RUVBL1: variants seen among roughly 807,000 people sequenced by gnomAD.
RUVBL1 encodes RuvB like AAA ATPase 1.
In RUVBL1, 4 loss-of-function variants were observed where a neutral mutation model predicts 52.4. The ratio of observed to expected loss-of-function variants is 0.08; its 90% CI spans 0.04 to 0.17. The LOEUF (loss-of-function observed/expected upper bound fraction) is 0.17, where lower values mean the gene tolerates loss of function less well. Among genes scored for constraint, RUVBL1 ranks in the 10% least tolerant of loss-of-function variants. The pLI is 1.00. For synonymous variants in RUVBL1, 217 were observed against 214.4 expected (o/e 1.01, Z -0.10); for missense variants, 298 against 572.8 (o/e 0.52, Z 4.90).
intron 8 of RUVBL1, among the ~76,000 whole-genome samples, chr3:128,095,246 G>C (rs914315481): frequency 6.6e-6 from 1 of 152,220 alleles, no homozygotes; most frequent in East Asian, 1.9e-4. Flanking sequence ...GAGATGCCAG[G>C]CTCTGCAGGT....
At chr3:128,074,614 A>C (rs1377793039) in intron 9 of RUVBL1, among the ~76,000 whole-genome samples, 2 of 152,138 alleles carry the variant, frequency 1.3e-5, no homozygotes, top group African/African-American at 4.8e-5. Flanking sequence ...AGGCCAAAGC[A>C]GGTGGATCAC....
intron 9 of RUVBL1, among the ~76,000 whole-genome samples, chr3:128,074,727 A>G (rs1287106634): frequency 6.6e-6 from 1 of 150,900 alleles, no homozygotes; most frequent in East Asian, 1.9e-4. Flanking sequence ...TTATAATCCC[A>G]GCTACTTGGG....
At chr3:128,124,633 C>T (rs1269942597), upstream of RUVBL1, among the ~76,000 whole-genome samples, 1 of 152,184 alleles carries the variant, frequency 6.6e-6, no homozygotes, top group Non-Finnish European at 1.5e-5. Flanking sequence ...TCAACAAACA[C>T]GAGCCAGACA....
chr3:128,136,602 G>A (rs1943950604), intron 1 of RUVBL1, among the ~76,000 whole-genome samples: 1 of 146,516 alleles, frequency 6.8e-6, no homozygotes, highest in Admixed American at 6.8e-5. Context: ...CTCCAGCCTG[G>A]GTGACAGAGT....
chr3:128,087,710 T>G lies in RUVBL1; in HGVS notation c.1115A>C (p.Lys372Thr). 1 of 1,612,126 alleles carries G rather than the reference T, an allele frequency of 6.2e-7. No homozygotes were observed. Among genetic ancestry groups the G allele is most frequent in the Non-Finnish European group, 8.5e-7 (1 of 1,178,620 alleles). ...GAGGGAAGAAGGGAGGCTCACCTGT[T>G]TCATTTCCTGTGGAGTATACAGCAT... ...RTMLYTPQEM[K>T]QIIKIRAQTE... is the part of the protein sequence containing the mutation. Residue 372 changes from lysine (K) to threonine (T), a missense_variant, in exon 9 of 11, where the codon AAA (lysine) becomes ACA (threonine). Lys to Thr is a moderately conservative substitution (Grantham distance 78). Coordinates refer to ENST00000322623, the MANE Select transcript of RUVBL1 (RefSeq NM_003707.3).
In RUVBL1 at chr3:128,112,960, C is replaced by T; in HGVS notation, c.289G>A (p.Val97Met). 2 of 1,614,174 alleles carry T rather than the reference C, an allele frequency of 1.2e-6. No homozygotes were observed. Among genetic ancestry groups the T allele is most frequent in the East Asian group, 2.2e-5 (1 of 44,880 alleles). ...LGSKVPFCPM[V>M]GSEVYSTEIK... The stretch of plus-strand genomic sequence containing the variant: ...TCAGTTGAGTAAACTTCACTCCCCA[C>T]CATTGGGCAGAAGGGGACCTTACTA... Residue 97 changes from valine (V) to methionine (M), a missense_variant, in exon 3 of 11, where the codon GTG (valine) becomes ATG (methionine). Around this residue, in one of 5 missense-constraint regions of RUVBL1, gnomAD observed 71 missense variants for 125.7 expected, o/e 0.57. Transcript: ENST00000322623.
intron 9 of RUVBL1, chr3:128,071,241 A>G (rs1292774527): frequency 1.3e-5 from 2 of 152,938 alleles, no homozygotes; most frequent in African/African-American, 2.4e-5. Context: ...AGGCTCCTCC[A>G]TATGGCCCAG....
chr3:128,100,501 A>G (rs988835081), intron 6 of RUVBL1, 94 bp downstream of exon 6: 1 of 1,457,130 alleles, frequency 6.9e-7, no homozygotes, highest in Non-Finnish European at 9.2e-7. Flanking sequence ...GTCTACCTCA[A>G]GAAAGGCAGC....
intron 9 of RUVBL1, chr3:128,066,873 C>A: frequency 7.2e-7 from 1 of 1,390,724 alleles, no homozygotes; most frequent in South Asian, 1.2e-5. Context: ...GCCCACTGGA[C>A]AGTCCCCGGC....
At chr3:128,124,797 C>T (rs1943756607), upstream of RUVBL1, among the ~76,000 whole-genome samples, 3 of 152,142 alleles carry the variant, frequency 2.0e-5, no homozygotes, top group Non-Finnish European at 2.9e-5. Context: ...CCAGGGAAGG[C>T]ATCATGAAGG....
Position 128,067,653 on chromosome 3 carries a change from T to G in RUVBL1, c.940-2433A>C, listed in dbSNP as rs1361527950. ...ACTTTCTGGAAGGGTGATGAAAGTGTGACTGGTATAAGGGGTGTGGACTTG... is the reference window on the plus strand; with the variant it reads ...ACTTTCTGGAAGGGTGATGAAAGTGGGACTGGTATAAGGGGTGTGGACTTG... On this transcript the variant is annotated intron_variant, in intron 9 of 9. Coordinates refer to the RUVBL1 transcript ENST00000464873. The surrounding 1 kb of genome is among the most constrained non-coding windows in gnomAD (Gnocchi z 4.1). The G allele has an allele frequency of 6.7e-7, 1 of 1,497,224 alleles. No homozygotes were observed. The highest frequency in any genetic ancestry group is 1.2e-5 in the South Asian group (1 of 83,970). The allele number at this position is 1,497,224 out of a possible 1,614,324, so 92.7% of individuals were successfully genotyped here.
At chr3:128,104,647 C>A (rs762361564) in intron 4 of RUVBL1, 126 bp downstream of exon 4, 2 of 754,848 alleles carry the variant, frequency 2.6e-6, no homozygotes, top group Non-Finnish European at 4.1e-6. Context: ...TCAACCAATT[C>A]TGTGAGAAAT....
chr3:128,108,967 T>A (rs942358261), intron 3 of RUVBL1, among the ~76,000 whole-genome samples: 1 of 152,154 alleles, frequency 6.6e-6, no homozygotes, highest in Admixed American at 6.5e-5. Flanking sequence ...AAGGAACACA[T>A]AAAGTATGAT....
chr3:128,106,868 C>G (rs771460114), intron 3 of RUVBL1, among the ~76,000 whole-genome samples: 1 of 152,114 alleles, frequency 6.6e-6, no homozygotes, highest in Non-Finnish European at 1.5e-5. Flanking sequence ...TCAAGACTAC[C>G]ATTAACTTGG....
rs773370364 is a variant in RUVBL1, at chr3:128,104,808, C to T, written c.478G>A (p.Gly160Arg). 6.2e-7 allele frequency: 1 copy of T among 1,612,894 alleles called. No individual in the cohort carries two copies. The highest frequency in any genetic ancestry group is 8.5e-7 in the Non-Finnish European group (1 of 1,178,942). The stretch of plus-strand genomic sequence containing the variant: ...TTGGTTCCTTTGGCTGTTTTGAGTC[C>T]TATGATCACATGGCTAATGGTTTTG... ...YGKTISHVII[G>R]LKTAKGTKQL... is the part of the protein sequence containing the mutation. The change falls in exon 4 of 11, where the codon GGA becomes AGA. Residue 160 changes from glycine (G) to arginine (R), a missense_variant. Physicochemically the swap from Gly to Arg is moderately radical, Grantham distance 125. This residue lies in a region of RUVBL1 where 58 missense variants were observed against 83.2 expected (regional missense o/e 0.70). Transcript: ENST00000322623.
rs1469263176 is a variant in RUVBL1, at chr3:128,064,811, A to G, written c.*401T>C. On this transcript the variant is annotated 3_prime_UTR_variant, in exon 10 of 10. Transcript: ENST00000464873. ...TTTTCCTCTTTTTATTTGTCTGCTA[A>G]GAAGGCTAGAAGCAAATTGAGTTGC... 1.8e-5 allele frequency: 26 copies of G among 1,410,788 alleles called. No homozygotes were observed. The East Asian group carries it at 5.3e-4, about 29-fold the overall frequency. The allele number at this position is 1,410,788 out of a possible 1,614,324, so 87.4% of individuals were successfully genotyped here. A position where few individuals can be genotyped will look rare whatever the true frequency, so the allele number is the denominator to read the frequency against.
Position 128,097,346 on chromosome 3 carries a change from C to A in RUVBL1, c.970G>T (p.Ala324Ser). The A allele has an allele frequency of 6.2e-7, 1 of 1,614,138 alleles. No individual in the cohort carries two copies. Among genetic ancestry groups the A allele is most frequent in the Non-Finnish European group, 8.5e-7 (1 of 1,180,026 alleles). ...YLHRALESSI[A>S]PIVIFASNRG... ...TTGGATGCAAAGATGACGATGGGAG[C>A]GATAGAAGACTCCAGGGCGCGGTGC... is the stretch of plus-strand genomic sequence containing the variant. Residue 324 changes from alanine (A) to serine (S), a missense_variant, in exon 8 of 11, where the codon GCT (alanine) becomes TCT (serine). This residue lies in a region of RUVBL1 where 161 missense variants were observed against 298.3 expected (regional missense o/e 0.54). Coordinates refer to ENST00000322623, the MANE Select transcript of RUVBL1 (RefSeq NM_003707.3).
intron 8 of RUVBL1, among the ~76,000 whole-genome samples, chr3:128,093,933 G>C (rs1172501767): frequency 6.6e-6 from 1 of 152,164 alleles, no homozygotes; most frequent in Non-Finnish European, 1.5e-5. Context: ...TGCTTGTCAA[G>C]GTCAGGAGGG....
intron 8 of RUVBL1, 43 bp from the exon 9 acceptor site, chr3:128,087,851 G>A: frequency 7.7e-7 from 1 of 1,296,424 alleles, no homozygotes; most frequent in Non-Finnish European, 1.1e-6. Context: ...GCCTCTGTTA[G>A]ACAAGAAACG....
Sources: gnomAD v4.1 joint callset for allele counts (sites outside exome capture counted in the v4.1 genomes callset) on GRCh38, gnomAD v4.1.1 for gene constraint, gnomAD v4.1.1 regional missense constraint, Gnocchi (gnomAD v3.1) non-coding constraint, MANE v1.5 for transcripts, NCBI Gene and HGNC (gene_info 2026-07-23, HGNC 2026-07-21) for gene names.